Variants in CYP27A1 observed in about 807,000 individuals in gnomAD.
The protein encoded by CYP27A1 is sterol 26-hydroxylase, mitochondrial.
CYP27A1 carries 46 observed loss-of-function variants against 58.2 expected under a neutral mutation model. That is an observed-to-expected ratio of 0.79 (90% confidence interval 0.62 to 1.01). The LOEUF is 1.01. CYP27A1 is among the 50% of genes least tolerant of loss of function. The probability of loss-of-function intolerance (pLI) is 0.00; values close to 1 mark genes in which losing one functional copy is unlikely to be tolerated. For missense variants in CYP27A1, 704 were observed against 687.0 expected (o/e 1.02, Z -0.28); for synonymous variants, 274 against 285.1 (o/e 0.96, Z 0.39).
At chr2:218,783,398 C>G (rs1051738543) in intron 1 of CYP27A1, among the ~76,000 whole-genome samples, 1 of 151,812 alleles carries the variant, frequency 6.6e-6, no homozygotes, top group Non-Finnish European at 1.5e-5. Flanking sequence ...CAGGGATGAA[C>G]AGCTCACTGC....
chr2:218,805,755 C>G (rs922040153), intron 1 of CYP27A1, among the ~76,000 whole-genome samples: 1 of 152,104 alleles, frequency 6.6e-6, no homozygotes, highest in African/African-American at 2.4e-5. Flanking sequence ...AGGACCCATC[C>G]GAGAATGCTG....
chr2:218,809,260 C>T (rs1284081737), intron 1 of CYP27A1, among the ~76,000 whole-genome samples: 1 of 152,132 alleles, frequency 6.6e-6, no homozygotes, highest in Non-Finnish European at 1.5e-5. Context: ...TACACCTCAA[C>T]GTACCTCAGT....
intron 1 of CYP27A1, among the ~76,000 whole-genome samples, chr2:218,786,933 C>A (rs1052154458): frequency 1.3e-5 from 2 of 151,978 alleles, no homozygotes; most frequent in Admixed American, 1.3e-4. Flanking sequence ...TAGTTAGGAC[C>A]ACAGGCATGC....
At position 218,812,321 on chromosome 2, in the gene CYP27A1, T is replaced by G. The variant is rs149366157; in HGVS notation, c.546T>G (p.Ile182Met). The change falls in exon 3 of 9, where the codon ATT becomes ATG. Residue 182 changes from isoleucine (I) to methionine (M), a missense_variant. Physicochemically the swap from Ile to Met is conservative, Grantham distance 10 (BLOSUM62 1). Coordinates refer to ENST00000258415, the MANE Select transcript of CYP27A1 (RefSeq NM_000784.4). ...ATACGGATGCTTTCAATGAGGTGATTGATGACTTTATGACTCGACTGGACC... is the reference window on the plus strand; with the variant it reads ...ATACGGATGCTTTCAATGAGGTGATGGATGACTTTATGACTCGACTGGACC... ...ALYTDAFNEV[I>M]DDFMTRLDQL... 7.1e-5 allele frequency: 115 copies of G among 1,614,094 alleles called. No individual in the cohort carries two copies. Among genetic ancestry groups the G allele is most frequent in the Non-Finnish European group, 9.2e-5 (108 of 1,180,040 alleles).
At position 218,814,908 on chromosome 2, in the gene CYP27A1, C is replaced by T. The variant is rs78938783; in HGVS notation, c.1477-3C>T. ...CCAACCACATGTGCTCTTTACCCCC[C>T]AGCTGATCCAGAAGTACAAGGTGGT... On this transcript the variant is annotated splice_polypyrimidine_tract_variant and splice_region_variant and intron_variant, in intron 8 of 8. Coordinates refer to ENST00000258415, the MANE Select transcript of CYP27A1 (RefSeq NM_000784.4). The T allele has an allele frequency of 7.9e-5, 128 of 1,614,104 alleles. No homozygotes were observed. Among genetic ancestry groups the T allele is most frequent in the Admixed American group, 1.7e-4 (10 of 60,010 alleles).
chr2:218,782,973 G>A lies in CYP27A1; in HGVS notation c.255+536G>A, dbSNP rs1575196134. On this transcript the variant is annotated intron_variant, in intron 1 of 8. Coordinates refer to ENST00000258415, the MANE Select transcript of CYP27A1 (RefSeq NM_000784.4). The surrounding 1 kb of genome is among the most constrained non-coding windows in gnomAD (Gnocchi z 4.1). ...CTTTTTGTTATTAAGAAATCAGTCT[G>A]AGGCCGGGTGCAGTGGCTCACACCT... Among the ~76,000 whole-genome samples the A allele has an allele frequency of 6.6e-6, 1 of 152,122 alleles. No individual in the cohort carries two copies. The highest frequency in any genetic ancestry group is 1.9e-4 in the East Asian group (1 of 5,186).
Position 218,809,624 on chromosome 2 carries a change from GC to G in CYP27A1, c.305del (p.Pro102LeufsTer5), listed in dbSNP as rs587778790. On this transcript the variant is annotated frameshift_variant, in exon 2 of 9. Transcript: ENST00000258415. LOFTEE classifies it high-confidence loss of function. The stretch of plus-strand genomic sequence containing the variant: ...GTCCAATGTGGATGTCCTACTTAGG[GC>G]CTCAGATGCACGTGAACCTGGCCAG... ...YGPMWMSYLG[P>X]QMHVNLASAP... is the part of the protein sequence containing the mutation. 2 of 1,614,074 alleles carry G rather than the reference GC, an allele frequency of 1.2e-6. No homozygotes were observed. The highest frequency in any genetic ancestry group is 4.5e-5 in the East Asian group (2 of 44,878).
At position 218,782,672 on chromosome 2, in the gene CYP27A1, G is replaced by A. The variant is rs369971814; in HGVS notation, c.255+235G>A. On this transcript the variant is annotated intron_variant, in intron 1 of 8. Coordinates refer to ENST00000258415, the MANE Select transcript of CYP27A1 (RefSeq NM_000784.4). The surrounding 1 kb of genome is among the most constrained non-coding windows in gnomAD (Gnocchi z 4.1). ...CTTAAATCAGGACGGCACCAGTAAGGGGGGGATCTGGACGCCGGACTTACA... is the reference window on the plus strand; with the variant it reads ...CTTAAATCAGGACGGCACCAGTAAGAGGGGGATCTGGACGCCGGACTTACA... Among the ~76,000 whole-genome samples, 2 of 152,148 alleles carry A rather than the reference G, an allele frequency of 1.3e-5. No individual in the cohort carries two copies. Among genetic ancestry groups the A allele is most frequent in the Non-Finnish European group, 2.9e-5 (2 of 68,028 alleles).
At chr2:218,809,865 A>C (rs1575204993) in intron 2 of CYP27A1, 98 bp downstream of exon 2, 1 of 1,109,354 alleles carries the variant, frequency 9.0e-7, no homozygotes, top group Non-Finnish European at 1.3e-6. Flanking sequence ...GCAGAATAGT[A>C]CCCTCTGCAT....
chr2:218,804,090 A>G (rs6436089), intron 1 of CYP27A1, among the ~76,000 whole-genome samples: 77,886 of 151,716 alleles, frequency 0.51, 20,677 homozygotes, highest in African/African-American at 0.61. Context: ...TTCCTCATGC[A>G]TTTGTTATCA....
intron 1 of CYP27A1, among the ~76,000 whole-genome samples, chr2:218,804,418 T>G (rs6436091): frequency 6.6e-6 from 1 of 151,566 alleles, no homozygotes; most frequent in Non-Finnish European, 1.5e-5. Context: ...ACACTTACAC[T>G]AGTAACTTAC....
At chr2:218,802,911 G>T (rs970584622) in intron 1 of CYP27A1, among the ~76,000 whole-genome samples, 2 of 152,064 alleles carry the variant, frequency 1.3e-5, no homozygotes, top group African/African-American at 4.8e-5. Context: ...CTTCATTGGA[G>T]AAATGTCTAT....
chr2:218,812,495 C>T (rs984649824), intron 3 of CYP27A1, 57 bp from the exon 4 acceptor site: 2 of 1,612,042 alleles, frequency 1.2e-6, no homozygotes, highest in East Asian at 2.2e-5. Flanking sequence ...CTCAAGGGCT[C>T]CTGGATTCCA....
chr2:218,814,035 G>T lies in CYP27A1; in HGVS notation c.1032G>T (p.Leu344=). The T allele has an allele frequency of 6.2e-7, 1 of 1,614,196 alleles. No individual in the cohort carries two copies. Among genetic ancestry groups the T allele is most frequent in the Middle Eastern group, 1.6e-4 (1 of 6,062 alleles). The part of the protein sequence containing the change: ...MAGVDTTSNT[L]TWALYHLSKD... Reference sequence around the variant, plus strand: ...CTATCTTCTAGACATCCAACACGCTGACATGGGCCCTGTACCACCTCTCAA... The same window carrying T: ...CTATCTTCTAGACATCCAACACGCTTACATGGGCCCTGTACCACCTCTCAA... Residue 344 remains leucine (L), a synonymous_variant, in exon 6 of 9, where the codon CTG becomes CTT. Coordinates refer to ENST00000258415, the MANE Select transcript of CYP27A1 (RefSeq NM_000784.4).
rs1048378782 is a variant in CYP27A1 at position 218,815,091 on chromosome 2, T to G, written c.*61T>G. 16 of 1,608,560 alleles carry G rather than the reference T, an allele frequency of 9.9e-6. No individual in the cohort carries two copies. The highest frequency in any genetic ancestry group is 1.3e-5 in the Non-Finnish European group (15 of 1,176,076). On this transcript the variant is annotated 3_prime_UTR_variant, in exon 9 of 9. Transcript: ENST00000258415. ...GCTCCAGCTCTGGCACAGTGGTTCC[T>G]GGCTGCTGCCATGTCTCAGATGAGG... is the stretch of plus-strand genomic sequence containing the variant.
At chr2:218,801,000 T>A (rs1037742260) in intron 1 of CYP27A1, among the ~76,000 whole-genome samples, 1 of 152,236 alleles carries the variant, frequency 6.6e-6, no homozygotes, top group Non-Finnish European at 1.5e-5. Flanking sequence ...ACTTTTAGAT[T>A]TTTTATGTAT....
At position 218,796,352 on chromosome 2, in the gene CYP27A1, G is replaced by T. The variant is rs111376228; in HGVS notation, c.256-13225G>T. Among the ~76,000 whole-genome samples the T allele has an allele frequency of 3.3e-5, 5 of 152,188 alleles. No homozygotes were observed. In the South Asian group the frequency reaches 8.3e-4, roughly 25 times the overall value. On this transcript the variant is annotated intron_variant, in intron 1 of 8. Transcript: ENST00000258415. ...TCACGCCTGTAATCCCAGCACTTTGGGGGGCTGAGGCGGATGGATCACCTG... is the reference window on the plus strand; with the variant it reads ...TCACGCCTGTAATCCCAGCACTTTGTGGGGCTGAGGCGGATGGATCACCTG...
chr2:218,815,253 G>A lies in CYP27A1; in HGVS notation c.*223G>A, dbSNP rs963892215. 10 of 570,132 alleles carry A rather than the reference G, an allele frequency of 1.8e-5. No homozygotes were observed. The highest frequency in any genetic ancestry group is 6.1e-5 in the Admixed American group (2 of 32,886). 35.3% of individuals were successfully genotyped at this position (570,132 alleles called of 1,614,324 possible). ...ACCCCTTTATCGCATTGCTGTCCTT[G>A]GGTAGAATATAAAATAAAGGGACTT... On this transcript the variant is annotated 3_prime_UTR_variant, in exon 9 of 9. Coordinates refer to ENST00000258415, the MANE Select transcript of CYP27A1 (RefSeq NM_000784.4).
intron 1 of CYP27A1, among the ~76,000 whole-genome samples, chr2:218,786,500 G>C (rs1943441934): frequency 6.6e-6 from 1 of 152,214 alleles, no homozygotes; most frequent in Non-Finnish European, 1.5e-5. Context: ...ACATGTAAAA[G>C]TCGTACTACA....
Sources: allele counts gnomAD v4.1 joint callset (sites outside exome capture counted in the v4.1 genomes callset), GRCh38; gene constraint gnomAD v4.1.1; non-coding constraint Gnocchi (gnomAD v3.1); transcripts MANE v1.5; gene names NCBI Gene and HGNC (gene_info 2026-07-23, HGNC 2026-07-21).